ARHGEF4: variants seen among roughly 807,000 people sequenced by gnomAD.
ARHGEF4 encodes the protein Rho guanine nucleotide exchange factor 4.
ARHGEF4 carries 119 observed loss-of-function variants against 162.0 expected under a neutral mutation model. That is an observed-to-expected ratio of 0.73 (90% CI 0.63 to 0.86). The LOEUF is 0.86. ARHGEF4 is among the 40% of genes least tolerant of loss of function. The pLI is 0.00. For missense variants in ARHGEF4, 2,488 were observed against 2,456.0 expected (o/e 1.01, Z -0.28); for synonymous variants, 1,014 against 979.9 (o/e 1.03, Z -0.65).
intron 1 of ARHGEF4, among the ~76,000 whole-genome samples, chr2:130,895,971 A>C (rs962063299): frequency 2.0e-5 from 3 of 152,232 alleles, no homozygotes; most frequent in East Asian, 3.9e-4. Flanking sequence ...GCACTTAGCT[A>C]TATGATATAT....
chr2:130,881,083 G>A (rs1319602862), intron 1 of ARHGEF4, among the ~76,000 whole-genome samples: 1 of 152,026 alleles, frequency 6.6e-6, no homozygotes, highest in Admixed American at 6.5e-5. Context: ...CCCAGGCTGG[G>A]GTACAGTGGC....
At chr2:131,015,949 G>A (rs542802412) in intron 4 of ARHGEF4, among the ~76,000 whole-genome samples, 2 of 152,360 alleles carry the variant, frequency 1.3e-5, no homozygotes, top group South Asian at 4.1e-4. Context: ...CCGCAGCGCA[G>A]AGCCACTGGG....
rs150760589 is a variant in ARHGEF4, at chr2:130,917,124, C to T, written c.3178C>T (p.Arg1060Trp). The T allele has an allele frequency of 1.2e-5, 18 of 1,550,440 alleles. No individual in the cohort carries two copies. Among genetic ancestry groups the T allele is most frequent in the Non-Finnish European group, 1.6e-5 (18 of 1,146,952 alleles). ...KSWLASPGSP[R>W]AQQAGIAHTL... Reference sequence around the variant, plus strand: ...CTGGCTGGCGTCCCCCGGCAGCCCTCGGGCCCAGCAGGCTGGAATCGCACA... The same window carrying T: ...CTGGCTGGCGTCCCCCGGCAGCCCTTGGGCCCAGCAGGCTGGAATCGCACA... The change falls in exon 2 of 14, where the codon CGG becomes TGG. Residue 1060 changes from arginine (R) to tryptophan (W), a missense_variant. Transcript: ENST00000409359.
At position 130,883,928 on chromosome 2, in the gene ARHGEF4, G is replaced by A. The variant is rs1050111417; in HGVS notation, c.40-30058G>A. ...ATATGGAATAATAGGTATCTTTTCAGGGTACTTGAGCATTAAATGAGTGAA... is the reference window on the plus strand; with the variant it reads ...ATATGGAATAATAGGTATCTTTTCAAGGTACTTGAGCATTAAATGAGTGAA... On this transcript the variant is annotated intron_variant, in intron 1 of 13. Coordinates refer to ENST00000409359, the MANE Select transcript of ARHGEF4 (RefSeq NM_001367493.1). Among the ~76,000 whole-genome samples, 48 of 152,104 alleles carry A rather than the reference G, an allele frequency of 3.2e-4. 1 individual carries two copies. Among genetic ancestry groups the A allele is most frequent in the African/African-American group, 1.1e-3 (47 of 41,336 alleles).
intron 4 of ARHGEF4, among the ~76,000 whole-genome samples, chr2:131,004,963 G>A (rs1688025341): frequency 6.6e-6 from 1 of 152,168 alleles, no homozygotes; most frequent in South Asian, 2.1e-4. Context: ...GGAGGGTGGG[G>A]AAAGCTTGTG....
intron 4 of ARHGEF4, among the ~76,000 whole-genome samples, chr2:131,021,426 T>C (rs1021776054): frequency 6.6e-6 from 1 of 152,138 alleles, no homozygotes; most frequent in Admixed American, 6.6e-5. Flanking sequence ...TGGCTAGCCA[T>C]ATGTAGAAAG....
intron 3 of ARHGEF4, among the ~76,000 whole-genome samples, chr2:130,938,881 A>C (rs548791430): frequency 6.6e-6 from 1 of 152,034 alleles, no homozygotes; most frequent in Non-Finnish European, 1.5e-5. Context: ...TTCACATTTA[A>C]GTTTGTGATT....
chr2:130,856,947 G>A (rs531284992), intron 1 of ARHGEF4, among the ~76,000 whole-genome samples: 2 of 152,354 alleles, frequency 1.3e-5, no homozygotes, highest in South Asian at 2.1e-4. Flanking sequence ...CATAGGCTGG[G>A]TGCAGTGGCT....
chr2:130,979,860 G>A (rs1026626841), intron 4 of ARHGEF4, among the ~76,000 whole-genome samples: 3 of 151,812 alleles, frequency 2.0e-5, no homozygotes, highest in African/African-American at 7.3e-5. Context: ...AGTCATTCAG[G>A]TAGCGAAAAT....
At chr2:130,913,035 A>C (rs1380135522) in intron 1 of ARHGEF4, among the ~76,000 whole-genome samples, 1 of 152,206 alleles carries the variant, frequency 6.6e-6, no homozygotes, top group East Asian at 1.9e-4. Flanking sequence ...CATGTATAGG[A>C]AGAAACAATA....
chr2:130,968,261 G>A (rs1409666793), intron 4 of ARHGEF4, among the ~76,000 whole-genome samples: 1 of 152,160 alleles, frequency 6.6e-6, no homozygotes, highest in African/African-American at 2.4e-5. Context: ...AATTTGTAGT[G>A]TTTAAACATC....
At chr2:130,952,369 A>G (rs1684012065) in intron 4 of ARHGEF4, among the ~76,000 whole-genome samples, 2 of 152,184 alleles carry the variant, frequency 1.3e-5, no homozygotes, top group Non-Finnish European at 2.9e-5. Context: ...ACAGCCCTTC[A>G]TGCTAAAAAC....
chr2:130,973,221 G>T (rs1440495484), intron 4 of ARHGEF4, among the ~76,000 whole-genome samples: 1 of 152,240 alleles, frequency 6.6e-6, no homozygotes, highest in Non-Finnish European at 1.5e-5. Context: ...GAATGAGGTG[G>T]CTCATGCCTG....
intron 4 of ARHGEF4, among the ~76,000 whole-genome samples, chr2:131,016,611 T>G (rs1688789603): frequency 6.6e-6 from 1 of 152,258 alleles, no homozygotes; most frequent in Admixed American, 6.5e-5. Context: ...CAGTACTCAC[T>G]TTGTTAATGG....
At chr2:130,965,325 GGA>G (rs1684931980) in intron 4 of ARHGEF4, among the ~76,000 whole-genome samples, 1 of 152,366 alleles carries the variant, frequency 6.6e-6, no homozygotes, top group Non-Finnish European at 1.5e-5. Context: ...AGCGAGTTTG[GGA>G]GAGAGAAGTG....
intron 4 of ARHGEF4, among the ~76,000 whole-genome samples, chr2:131,013,360 A>G (rs1273851759): frequency 6.6e-6 from 1 of 152,236 alleles, no homozygotes; most frequent in African/African-American, 2.4e-5. Flanking sequence ...GTGGTCAGCT[A>G]GAGTGTGCAC....
intron 4 of ARHGEF4, among the ~76,000 whole-genome samples, chr2:130,999,059 T>C (rs1231147960): frequency 6.6e-6 from 1 of 152,224 alleles, no homozygotes; most frequent in Admixed American, 6.5e-5. Flanking sequence ...AATTCCCTAA[T>C]GACATACCTG....
intron 4 of ARHGEF4, among the ~76,000 whole-genome samples, chr2:130,974,410 A>G (rs1394534349): frequency 6.6e-6 from 1 of 152,078 alleles, no homozygotes; most frequent in East Asian, 1.9e-4. Context: ...ATATATTTAA[A>G]TGAACATAAC....
intron 2 of ARHGEF4, among the ~76,000 whole-genome samples, chr2:130,928,273 A>G (rs1682418403): frequency 1.3e-5 from 2 of 152,234 alleles, no homozygotes; most frequent in African/African-American, 4.8e-5. Flanking sequence ...GAGGTGGGTC[A>G]GTTTCTCCAG....
Sources: gnomAD v4.1 joint callset for allele counts (sites outside exome capture counted in the v4.1 genomes callset) on GRCh38, gnomAD v4.1.1 for gene constraint, MANE v1.5 for transcripts, NCBI Gene and HGNC (gene_info 2026-07-23, HGNC 2026-07-21) for gene names.